Variants in PLOD3 observed in about 807,000 individuals in gnomAD.
The protein encoded by PLOD3 is procollagen-lysine,2-oxoglutarate 5-dioxygenase 3.
In PLOD3, 73 loss-of-function variants were observed where a neutral mutation model predicts 96.9. The ratio of observed to expected loss-of-function variants is 0.75; its 90% confidence interval spans 0.62 to 0.92. PLOD3 has a LOEUF of 0.92. PLOD3 is among the 40% of genes least tolerant of loss of function. The pLI is 0.00. For synonymous variants in PLOD3, 454 were observed against 413.7 expected (o/e 1.10, Z -1.18); for missense variants, 1,004 against 1,004.3 (o/e 1.00, Z 0.00).
chr7:101,217,219 GGCA>G lies in PLOD3; in HGVS notation c.53_55del (p.Leu18del). ...CCGGTCGGAGGCTGAGGCCGCAGGG[GGCA>G]GCAGCAGCGGCAGCAGCAGCAGGAA... On this transcript the variant is annotated inframe_deletion, in exon 1 of 19. Coordinates refer to ENST00000223127, the MANE Select transcript of PLOD3 (RefSeq NM_001084.5). The G allele has an allele frequency of 1.3e-6, 2 of 1,504,050 alleles. No homozygotes were observed. The highest frequency in any genetic ancestry group is 2.3e-5 in the Admixed American group (1 of 44,120). The allele number at this position is 1,504,050 out of a possible 1,614,324, so 93.2% of individuals were successfully genotyped here.
At chr7:101,208,572 A>G in intron 16 of PLOD3, 1 of 404,862 alleles carries the variant, frequency 2.5e-6, no homozygotes, top group East Asian at 5.7e-5. Flanking sequence ...TTTTTTGTAG[A>G]GACAGGGTCT....
Position 101,217,258 on chromosome 7 carries a change from G to A in PLOD3, c.17C>T (p.Pro6Leu). 2 of 1,490,422 alleles carry A rather than the reference G, an allele frequency of 1.3e-6. No individual in the cohort carries two copies. The highest frequency in any genetic ancestry group is 1.3e-5 in the South Asian group (1 of 76,684). The allele number at this position is 1,490,422 out of a possible 1,614,324, so 92.3% of individuals were successfully genotyped here. A position where few individuals can be genotyped will look rare whatever the true frequency, so the allele number is the denominator to read the frequency against. Residue 6 changes from proline to leucine, a missense_variant, in exon 1 of 19, where the codon CCT becomes CTT. Around this residue, in one of 5 missense-constraint regions of PLOD3, gnomAD observed 690 missense variants for 650.2 expected, o/e 1.06. Coordinates refer to ENST00000223127, the MANE Select transcript of PLOD3 (RefSeq NM_001084.5). Reference protein sequence around the residue: MTSSGPGPRFLLLLPL... With the variant: MTSSGLGPRFLLLLPL... ...CAGCAGCAGCAGGAACCGGGGTCCAGGCCCCGAGGAGGTCATGGTGGGGAG... is the reference window on the plus strand; with the variant it reads ...CAGCAGCAGCAGGAACCGGGGTCCAAGCCCCGAGGAGGTCATGGTGGGGAG...
intron 1 of PLOD3, 149 bp downstream of exon 1, chr7:101,217,017 C>T (rs1249206920): frequency 4.3e-6 from 4 of 934,962 alleles, no homozygotes; most frequent in Middle Eastern, 2.3e-4. Flanking sequence ...TAGTGATGGG[C>T]GAGGGGCTTG....
chr7:101,208,914 A>G lies in PLOD3; in HGVS notation c.1727T>C (p.Met576Thr), dbSNP rs1479316619. ...CATCTCTGCCACCAGCTCATCACACATTTGTTCTGACAGCAGTGGGAACCA... is the reference window on the plus strand; with the variant it reads ...CATCTCTGCCACCAGCTCATCACACGTTTGTTCTGACAGCAGTGGGAACCA... ...VYWFPLLSEQMCDELVAEMEH... is the reference protein window; with the variant it reads ...VYWFPLLSEQTCDELVAEMEH... Residue 576 changes from methionine to threonine, a missense_variant, in exon 16 of 19, where the codon ATG becomes ACG. Around this residue, in one of 5 missense-constraint regions of PLOD3, gnomAD observed 4 missense variants for 19.1 expected, o/e 0.21. Transcript: ENST00000223127. 4 of 1,613,834 alleles carry G rather than the reference A, an allele frequency of 2.5e-6. No individual in the cohort carries two copies. Among genetic ancestry groups the G allele is most frequent in the Admixed American group, 1.7e-5 (1 of 60,000 alleles).
chr7:101,216,100 C>A, intron 4 of PLOD3, 63 bp downstream of exon 4: 2 of 1,610,540 alleles, frequency 1.2e-6, no homozygotes, highest in Non-Finnish European at 1.7e-6. Flanking sequence ...AGCCCTCAGG[C>A]GCCTTTAACA....
intron 12 of PLOD3, 74 bp downstream of exon 12, chr7:101,211,517 T>G: frequency 4.1e-5 from 61 of 1,490,550 alleles, no homozygotes; most frequent in Non-Finnish European, 5.2e-5. Flanking sequence ...TCCAAACCCC[T>G]GAGAGTAGGG....
In PLOD3 at chr7:101,216,559, T is replaced by C. The variant is rs996945004; in HGVS notation, c.202-13A>G. 1 of 1,613,906 alleles carries C rather than the reference T, an allele frequency of 6.2e-7. No individual in the cohort carries two copies. Among genetic ancestry groups the C allele is most frequent in the Admixed American group, 1.7e-5 (1 of 60,014 alleles). On this transcript the variant is annotated splice_polypyrimidine_tract_variant and intron_variant, in intron 2 of 18. Transcript: ENST00000223127. The stretch of plus-strand genomic sequence containing the variant: ...CCAGGCCCAGGGTCTGTGGAGAAGA[T>C]TGCCCCGTGCCAGGCAAGGGGTGGG...
Position 101,210,532 on chromosome 7 carries a change from C to T in PLOD3, c.1500G>A (p.Lys500=), listed in dbSNP as rs1318174260. 1 of 1,614,092 alleles carries T rather than the reference C, an allele frequency of 6.2e-7. No individual in the cohort carries two copies. The highest frequency in any genetic ancestry group is 1.3e-5 in the African/African-American group (1 of 74,940). Residue 500 remains lysine (K), a splice_region_variant and synonymous_variant, in exon 13 of 19, where the codon AAG becomes AAA. Transcript: ENST00000223127. The part of the protein sequence containing the change: ...DMAFCKSFRD[K]GIFLHLSNQH... ...GGCCAGACCGTGCACCCGCGCTCAC[C>T]TTGTCTCGAAAGCTCTTACAGAAGG...
rs748908024 is a variant in PLOD3 at position 101,210,524 on chromosome 7, G to A, written c.1500+8C>T. On this transcript the variant is annotated splice_region_variant and intron_variant, in intron 13 of 18. Coordinates refer to ENST00000223127, the MANE Select transcript of PLOD3 (RefSeq NM_001084.5). ...TGCCCCCAGGCCAGACCGTGCACCC[G>A]CGCTCACCTTGTCTCGAAAGCTCTT... 118 of 1,614,146 alleles carry A rather than the reference G, an allele frequency of 7.3e-5. No individual in the cohort carries two copies. The highest frequency in any genetic ancestry group is 6.3e-4 in the Admixed American group (38 of 60,016).
At chr7:101,210,193 T>G (rs769888753) in intron 14 of PLOD3, 32 bp from the exon 15 acceptor site, 22 of 1,518,282 alleles carry the variant, frequency 1.4e-5, no homozygotes, top group Non-Finnish European at 1.9e-5. Flanking sequence ...ATCAGATCTG[T>G]GCCCCCCTCG....
chr7:101,210,756 C>T, intron 12 of PLOD3, 83 bp from the exon 13 acceptor site: 6 of 1,477,476 alleles, frequency 4.1e-6, no homozygotes, highest in Non-Finnish European at 5.6e-6. Flanking sequence ...CTTCTTCCCT[C>T]AGGGTATCCC....
At chr7:101,216,831 C>T (rs1434585938) in intron 1 of PLOD3, 45 bp from the exon 2 acceptor site, 5 of 1,312,386 alleles carry the variant, frequency 3.8e-6, no homozygotes, top group African/African-American at 2.9e-5. Flanking sequence ...CGCCCAGCTC[C>T]GGGCCTCACG....
chr7:101,207,814 GC>G, intron 16 of PLOD3, 90 bp from the exon 17 acceptor site: 3 of 1,392,048 alleles, frequency 2.2e-6, no homozygotes, highest in Non-Finnish European at 2.0e-6. Context: ...CCGTCCTCCA[GC>G]CTTCACACCT....
In PLOD3 at chr7:101,208,803, T is replaced by C. The variant is rs77698195; in HGVS notation, c.1788+50A>G. On this transcript the variant is annotated intron_variant, in intron 16 of 18. Transcript: ENST00000223127. ...ATTCCATTGTTTGTTTACCAGATCC[T>C]GCACCTCCTCCTCTGGGAAGGCCTC... The C allele has an allele frequency of 9.5e-3, 11,428 of 1,205,942 alleles. 217 individuals carry two copies. The highest frequency in any genetic ancestry group is 0.079 in the East Asian group (3,402 of 42,972). The allele number at this position is 1,205,942 out of a possible 1,614,324, so 74.7% of individuals were successfully genotyped here.
intron 5 of PLOD3, among the ~76,000 whole-genome samples, chr7:101,215,647 A>G (rs777357692): frequency 6.6e-6 from 1 of 152,112 alleles, no homozygotes; most frequent in African/African-American, 2.4e-5. Flanking sequence ...GGCGTACACC[A>G]TGAAGCCTGG....
chr7:101,213,513 T>A (rs1448918243), intron 6 of PLOD3: 4 of 336,648 alleles, frequency 1.2e-5, no homozygotes, highest in Non-Finnish European at 2.2e-5. Context: ...CTTGTTTTTT[T>A]TTTTTTTTAT....
At chr7:101,209,794 G>A (rs1798152638) in intron 15 of PLOD3, 1 of 324,446 alleles carries the variant, frequency 3.1e-6, no homozygotes, top group South Asian at 6.7e-5. Flanking sequence ...ACCCACCTTG[G>A]CCTCCCAAAG....
chr7:101,215,263 G>C lies in PLOD3; in HGVS notation c.616-111C>G, dbSNP rs141654216. On this transcript the variant is annotated intron_variant, in intron 5 of 18. Transcript: ENST00000223127. ...TCTCTTGCTTTTGTTGCTTAGGCTG[G>C]AGTGCAATGGCACGATCTCAGCTCA... 0.02 allele frequency: 16,597 copies of C among 840,188 alleles called. 220 individuals carry two copies. The highest frequency in any genetic ancestry group is 0.027 in the Non-Finnish European group (12,770 of 478,522). 52.0% of individuals were successfully genotyped at this position (840,188 alleles called of 1,614,324 possible).
At chr7:101,211,498 G>T in intron 12 of PLOD3, 93 bp downstream of exon 12, 2 of 1,350,336 alleles carry the variant, frequency 1.5e-6, no homozygotes, top group South Asian at 2.6e-5. Context: ...ACCTCTGACT[G>T]GTGACCACTC....
Sources: allele counts gnomAD v4.1 joint callset (sites outside exome capture counted in the v4.1 genomes callset), GRCh38; gene constraint gnomAD v4.1.1; regional missense constraint gnomAD v4.1.1; transcripts MANE v1.5; gene names NCBI Gene and HGNC (gene_info 2026-07-23, HGNC 2026-07-21).